Variants in MICAL3 observed in about 807,000 individuals in gnomAD.
MICAL3 encodes the protein [F-actin]-monooxygenase MICAL3.
A neutral mutation model predicts 207.4 loss-of-function variants in MICAL3; 62 were observed. That is an observed-to-expected ratio of 0.30 (90% confidence interval 0.24 to 0.37). The LOEUF (loss-of-function observed/expected upper bound fraction) is 0.37, where lower values mean the gene tolerates loss of function less well. MICAL3 is among the 10% of genes least tolerant of loss of function. The pLI, the probability that MICAL3 is intolerant of heterozygous loss-of-function variation, is 1.00. For synonymous variants in MICAL3, 1,077 were observed against 1,069.3 expected, an observed-to-expected ratio of 1.01 and a Z score of -0.14; for missense variants, 2,368 against 2,635.6, an observed-to-expected ratio of 0.90 and a Z score of 2.22.
chr22:17,824,507 T>C (rs1921962961), intron 22 of MICAL3, among the ~76,000 whole-genome samples: 1 of 152,278 alleles, frequency 6.6e-6, no homozygotes, highest in African/African-American at 2.4e-5. Flanking sequence ...TTTCTGTTTC[T>C]TTAATAATTC....
At chr22:17,821,968 T>G in intron 24 of MICAL3, 62 bp downstream of exon 24, 8 of 1,586,132 alleles carry the variant, frequency 5.0e-6, no homozygotes. Flanking sequence ...GAGCCACTCT[T>G]GTGTGCATAT....
chr22:17,978,808 C>T (rs371111280), intron 1 of MICAL3, among the ~76,000 whole-genome samples: 90 of 151,448 alleles, frequency 5.9e-4, no homozygotes, highest in Admixed American at 2.3e-3. Context: ...TGTGAGCCAC[C>T]GTGCCTGGCC....
chr22:17,936,543 G>A (rs1183881208), intron 1 of MICAL3, among the ~76,000 whole-genome samples: 1 of 150,468 alleles, frequency 6.6e-6, no homozygotes, highest in African/African-American at 2.5e-5. Context: ...CCTGCATGTT[G>A]TGCACATGTA....
chr22:17,787,794 T>TG lies in MICAL3; in HGVS notation c.*2937dup, dbSNP rs1373544767. On this transcript the variant is annotated 3_prime_UTR_variant, in exon 32 of 32. Transcript: ENST00000441493. ...GAAAGGGTTAAGAAGAGTCTATCAT[T>TG]GCTGGTCAAAATCGGCCTGAGGATG... The TG allele has an allele frequency of 6.6e-6, 1 of 152,244 alleles. No individual in the cohort carries two copies. The highest frequency in any genetic ancestry group is 1.5e-5 in the Non-Finnish European group (1 of 68,032). The allele number at this position is 152,244 out of a possible 1,614,324, so 9.4% of individuals were successfully genotyped here. A position where few individuals can be genotyped will look rare whatever the true frequency, so the allele number is the denominator to read the frequency against.
intron 19 of MICAL3, among the ~76,000 whole-genome samples, chr22:17,851,339 G>A (rs543665843): frequency 6.6e-6 from 1 of 152,200 alleles, no homozygotes; most frequent in East Asian, 1.9e-4. Flanking sequence ...TCCTGCTTCC[G>A]GCTCCACTTG....
chr22:17,835,474 C>T (rs572008420), intron 20 of MICAL3, among the ~76,000 whole-genome samples: 3 of 152,340 alleles, frequency 2.0e-5, no homozygotes, highest in East Asian at 1.9e-4. Flanking sequence ...AGGTCCTGTG[C>T]GTCACACACA....
In MICAL3 at chr22:17,885,886, G is replaced by A. The variant is rs1454659827; in HGVS notation, c.2233C>T (p.Arg745Trp). The stretch of plus-strand genomic sequence containing the variant: ...GCACGGGTTGGGTTTACCTGTCTCC[G>A]TATGCCGATGGACTGTGCGGGCGCA... ...ENAPAQSIGI[R>W]RQGSMKKEFP... The change falls in exon 16 of 32, where the codon CGG becomes TGG. Residue 745 changes from arginine to tryptophan, a missense_variant. This residue lies in a region of MICAL3 where 1,770 missense variants were observed against 1,863.2 expected (regional missense o/e 0.95). Transcript: ENST00000441493. 7.4e-6 allele frequency: 12 copies of A among 1,613,934 alleles called. No homozygotes were observed. The highest frequency in any genetic ancestry group is 3.3e-4 in the Middle Eastern group (2 of 6,062).
rs1484528948 is a variant in MICAL3 at position 17,865,908 on chromosome 22, GGA to G, written c.2517+14_2517+15del. On this transcript the variant is annotated intron_variant, in intron 18 of 31. Transcript: ENST00000441493. ...ACCCACTGCTTCTCCCCCACTTACAGGAGAGTCACCATTACCTTTCCAGACAG... is the reference window on the plus strand; with the variant it reads ...ACCCACTGCTTCTCCCCCACTTACAGGAGTCACCATTACCTTTCCAGACAG... The G allele has an allele frequency of 3.1e-6, 5 of 1,604,260 alleles. No homozygotes were observed. Among genetic ancestry groups the G allele is most frequent in the Non-Finnish European group, 4.3e-6 (5 of 1,171,138 alleles).
intron 1 of MICAL3, among the ~76,000 whole-genome samples, chr22:18,017,752 A>ATT (rs532674200): frequency 3.4e-4 from 45 of 131,558 alleles, no homozygotes; most frequent in Non-Finnish European, 4.6e-4. Flanking sequence ...CACCCGGCTA[A>ATT]TTTTTTTTTT....
rs144667177 is a variant in MICAL3 at position 17,942,088 on chromosome 22, G to A, written c.-74-35202C>T. On this transcript the variant is annotated intron_variant, in intron 1 of 31. Coordinates refer to ENST00000441493, the MANE Select transcript of MICAL3 (RefSeq NM_015241.3). ...CAAGGAAACGACTTGCCTAATCTCG[G>A]AGCGTGTCTGTTTTGTTCAGGAAAA... Among the ~76,000 whole-genome samples the A allele has an allele frequency of 6.5e-3, 996 of 152,338 alleles. 10 individuals carry two copies. The highest frequency in any genetic ancestry group is 0.023 in the African/African-American group (964 of 41,582).
intron 3 of MICAL3, among the ~76,000 whole-genome samples, chr22:17,903,706 A>C (rs1931505002): frequency 2.0e-5 from 3 of 152,178 alleles, no homozygotes; most frequent in Non-Finnish European, 4.4e-5. Flanking sequence ...ATGCTTTACA[A>C]ACTATAGCCA....
rs553610979 is a variant in MICAL3, at chr22:17,894,471, G to A, written c.1450-567C>T. The stretch of plus-strand genomic sequence containing the variant: ...TCATGGAGGTCCCTCTAAGAGTCTC[G>A]GTTGGACTACTAATAATGCTGCCTC... On this transcript the variant is annotated intron_variant, in intron 10 of 31. Coordinates refer to ENST00000441493, the MANE Select transcript of MICAL3 (RefSeq NM_015241.3). 2.6e-5 allele frequency among the ~76,000 whole-genome samples: 4 copies of A among 151,394 alleles called. No homozygotes were observed. In the East Asian group the frequency reaches 5.8e-4, roughly 22 times the overall value.
chr22:18,020,559 T>C (rs1415545272), intron 1 of MICAL3, among the ~76,000 whole-genome samples: 5 of 149,788 alleles, frequency 3.3e-5, no homozygotes, highest in Non-Finnish European at 5.9e-5. Context: ...CAGTGTTTAT[T>C]TCATGGTGCT....
chr22:17,955,030 C>CT (rs931217258), intron 1 of MICAL3, among the ~76,000 whole-genome samples: 1 of 152,080 alleles, frequency 6.6e-6, no homozygotes, highest in Non-Finnish European at 1.5e-5. Context: ...AGCTTCAAGT[C>CT]TTTTTTTAAC....
At chr22:17,883,870 G>C (rs1929637399) in intron 16 of MICAL3, among the ~76,000 whole-genome samples, 1 of 151,980 alleles carries the variant, frequency 6.6e-6, no homozygotes, top group African/African-American at 2.4e-5. Context: ...AATGTAAAAG[G>C]CTCTACACCC....
At chr22:17,940,611 T>C (rs1441737614) in intron 1 of MICAL3, among the ~76,000 whole-genome samples, 2 of 151,720 alleles carry the variant, frequency 1.3e-5, no homozygotes, top group East Asian at 1.9e-4. Flanking sequence ...GAATAAAAAA[T>C]AAGCTCATTA....
At chr22:17,917,544 T>C (rs1020304189) in intron 1 of MICAL3, among the ~76,000 whole-genome samples, 5 of 152,180 alleles carry the variant, frequency 3.3e-5, no homozygotes, top group African/African-American at 9.6e-5. Context: ...CCTCCCCTAC[T>C]TCTGCTCCTC....
intron 16 of MICAL3, among the ~76,000 whole-genome samples, chr22:17,878,566 C>A (rs569554871): frequency 6.6e-6 from 1 of 152,168 alleles, no homozygotes; most frequent in Non-Finnish European, 1.5e-5. Context: ...TCTCAGAGAG[C>A]AAAGGCAGAA....
intron 19 of MICAL3, chr22:17,863,171 G>C (rs1926700516): frequency 1.0e-6 from 1 of 985,434 alleles, no homozygotes; most frequent in African/African-American, 1.7e-5. Context: ...ACCTCGACCA[G>C]ATGGGAAAGT....
Sources: gnomAD v4.1 joint callset for allele counts (sites outside exome capture counted in the v4.1 genomes callset) on GRCh38, gnomAD v4.1.1 for gene constraint, gnomAD v4.1.1 regional missense constraint, MANE v1.5 for transcripts, NCBI Gene and HGNC (gene_info 2026-07-23, HGNC 2026-07-21) for gene names.